CELF1: variants seen among roughly 807,000 people sequenced by gnomAD.
The protein encoded by CELF1 is 50 kDa nuclear polyadenylated RNA-binding protein.
A neutral mutation model predicts 61.8 loss-of-function variants in CELF1; 10 were observed. The ratio of observed to expected loss-of-function variants is 0.16; its 90% CI spans 0.10 to 0.27. The LOEUF (loss-of-function observed/expected upper bound fraction) is 0.27, where lower values mean the gene tolerates loss of function less well. CELF1 is among the 10% of genes least tolerant of loss of function. The probability of loss-of-function intolerance (pLI) is 1.00; values close to 1 mark genes in which losing one functional copy is unlikely to be tolerated. For missense variants in CELF1, 380 were observed against 639.1 expected (o/e 0.59, Z 4.37); for synonymous variants, 236 against 225.1 (o/e 1.05, Z -0.43).
At chr11:47,562,790 C>T (rs914325525) in intron 2 of CELF1, among the ~76,000 whole-genome samples, 6 of 151,776 alleles carry the variant, frequency 4.0e-5, no homozygotes, top group South Asian at 2.1e-4. Flanking sequence ...TCACAAACTC[C>T]GCCTCCTGGG....
At chr11:47,550,603 G>T (rs1017315208) in intron 1 of CELF1, among the ~76,000 whole-genome samples, 1 of 152,088 alleles carries the variant, frequency 6.6e-6, no homozygotes, top group South Asian at 2.1e-4. Context: ...CATATGAAAA[G>T]GATGGGCAAG....
chr11:47,525,710 ATAT>A (rs2096203755), intron 1 of CELF1, among the ~76,000 whole-genome samples: 1 of 152,232 alleles, frequency 6.6e-6, no homozygotes, highest in South Asian at 2.1e-4. Flanking sequence ...TTAACATGAG[ATAT>A]TAATAATAAA....
At position 47,466,753 on chromosome 11, in the gene CELF1, T is replaced by C. The variant is rs1400217982; in HGVS notation, c.*5477A>G. ...CCACAGGTTTTCCCAGAGCTCCTCT[T>C]GGAATTGAAAGCAAAATATATTGGC... On this transcript the variant is annotated 3_prime_UTR_variant, in exon 15 of 15. Transcript: ENST00000687097. 2 of 152,212 alleles carry C rather than the reference T, an allele frequency of 1.3e-5. No individual in the cohort carries two copies. Among genetic ancestry groups the C allele is most frequent in the African/African-American group, 4.8e-5 (2 of 41,456 alleles). 9.4% of individuals were successfully genotyped at this position (152,212 alleles called of 1,614,324 possible). A position where few individuals can be genotyped will look rare whatever the true frequency, so the allele number is the denominator to read the frequency against.
At chr11:47,551,198 G>A (rs2097128592) in intron 1 of CELF1, among the ~76,000 whole-genome samples, 1 of 152,088 alleles carries the variant, frequency 6.6e-6, no homozygotes, top group Admixed American at 6.5e-5. Context: ...AATCTCTAAA[G>A]AAAACCCTGG....
intron 2 of CELF1, among the ~76,000 whole-genome samples, chr11:47,559,230 G>C (rs1421494336): frequency 6.6e-6 from 1 of 151,268 alleles, no homozygotes; most frequent in African/African-American, 2.4e-5. Flanking sequence ...TGAGTAGCTG[G>C]GACTACAGGC....
chr11:47,486,672 T>G lies in CELF1; in HGVS notation c.391+78A>C. ...ATCCATCTGTCTTGGCCTCCCAAAG[T>G]GCTGGGATTACAGGTGTGAGCCACC... is the stretch of plus-strand genomic sequence containing the variant. On this transcript the variant is annotated intron_variant, in intron 6 of 14. Coordinates refer to ENST00000687097, the MANE Select transcript of CELF1 (RefSeq NM_001376376.1). 2.6e-6 allele frequency: 3 copies of G among 1,170,904 alleles called. No homozygotes were observed. The South Asian group carries it at 3.7e-5, about 14-fold the overall frequency. 72.5% of individuals were successfully genotyped at this position (1,170,904 alleles called of 1,614,324 possible). A position where few individuals can be genotyped will look rare whatever the true frequency, so the allele number is the denominator to read the frequency against.
rs2077131600 is a variant in CELF1, at chr11:47,468,985, G to A, written c.*3245C>T. ...GAGAGAGAGAACAGGAACACTCACT[G>A]TGTGTACAGCCCTGAAATGAGGTGG... On this transcript the variant is annotated 3_prime_UTR_variant, in exon 15 of 15. Coordinates refer to ENST00000687097, the MANE Select transcript of CELF1 (RefSeq NM_001376376.1). The A allele has an allele frequency of 1.3e-5, 2 of 152,236 alleles. No homozygotes were observed. The allele number at this position is 152,236 out of a possible 1,614,324, so 9.4% of individuals were successfully genotyped here.
chr11:47,554,809 G>A (rs1302991092), upstream of CELF1, among the ~76,000 whole-genome samples: 2 of 151,852 alleles, frequency 1.3e-5, no homozygotes, highest in Non-Finnish European at 2.9e-5. Flanking sequence ...TTACAGGCGC[G>A]TGCCACGATG....
At chr11:47,512,007 C>T (rs921858334) in intron 1 of CELF1, among the ~76,000 whole-genome samples, 4 of 152,048 alleles carry the variant, frequency 2.6e-5, no homozygotes, top group Non-Finnish European at 5.9e-5. Context: ...AGCCATCATG[C>T]CCAGCTAATG....
chr11:47,480,996 TCAAAA>T (rs950039644), intron 9 of CELF1, among the ~76,000 whole-genome samples: 24 of 149,526 alleles, frequency 1.6e-4, no homozygotes, highest in African/African-American at 3.2e-4. Flanking sequence ...GAGCGAGGCT[TCAAAA>T]CAAAACAAAA....
At chr11:47,519,764 G>A (rs1298954846) in intron 1 of CELF1, among the ~76,000 whole-genome samples, 1 of 151,904 alleles carries the variant, frequency 6.6e-6, no homozygotes, top group Non-Finnish European at 1.5e-5. Context: ...TCGGGAGGCT[G>A]AGGCAGGAGA....
At chr11:47,486,139 C>G (rs375011011) in intron 6 of CELF1, among the ~76,000 whole-genome samples, 38,252 of 38,260 alleles carry the variant, frequency 1, 19,122 homozygotes, top group Middle Eastern at 1. Flanking sequence ...CCCGCCCAGG[C>G]AACAGAGTGA....
intron 1 of CELF1, among the ~76,000 whole-genome samples, chr11:47,501,363 CTA>C (rs2093874315): frequency 6.6e-6 from 1 of 152,200 alleles, no homozygotes; most frequent in Non-Finnish European, 1.5e-5. Flanking sequence ...AGATTACTGG[CTA>C]TGTTTGTCCT....
intron 1 of CELF1, among the ~76,000 whole-genome samples, chr11:47,527,346 G>A (rs2096282464): frequency 6.6e-6 from 1 of 152,118 alleles, no homozygotes; most frequent in Non-Finnish European, 1.5e-5. Context: ...AGCCGTGATC[G>A]TGCCACCGCA....
chr11:47,541,686 C>CAAAGAAAG (rs1555190315), intron 1 of CELF1, among the ~76,000 whole-genome samples: 6 of 11,690 alleles, frequency 5.1e-4, no homozygotes, highest in African/African-American at 7.7e-4. Context: ...GCGAGACTGT[C>CAAAGAAAG]AAAGAAAGAA....
Position 47,496,045 on chromosome 11 carries a change from T to A in CELF1, c.71+3408A>T, listed in dbSNP as rs142008790. On this transcript the variant is annotated intron_variant, in intron 3 of 14. Coordinates refer to ENST00000687097, the MANE Select transcript of CELF1 (RefSeq NM_001376376.1). The stretch of plus-strand genomic sequence containing the variant: ...TCCCTCTGGCTCACATACAGTGCTG[T>A]GGAAAAACTGGAACAGAAGTGCGTG... 1,296 of 973,498 alleles carry A rather than the reference T, an allele frequency of 1.3e-3. 34 individuals carry two copies. The Admixed American group carries it at 0.058, about 44-fold the overall frequency. 60.3% of individuals were successfully genotyped at this position (973,498 alleles called of 1,614,324 possible).
At chr11:47,526,404 AT>A (rs2096245188) in intron 1 of CELF1, among the ~76,000 whole-genome samples, 1 of 152,230 alleles carries the variant, frequency 6.6e-6, no homozygotes, top group Non-Finnish European at 1.5e-5. Flanking sequence ...AGATCCCTCC[AT>A]TTCTGAAACT....
chr11:47,491,458 C>A (rs1405470236), intron 3 of CELF1, among the ~76,000 whole-genome samples: 1 of 152,246 alleles, frequency 6.6e-6, no homozygotes, highest in Admixed American at 6.5e-5. Flanking sequence ...CGCACCCAGC[C>A]TTGAATCTTT....
intron 1 of CELF1, among the ~76,000 whole-genome samples, chr11:47,547,669 C>T (rs1239043891): frequency 4.9e-5 from 3 of 61,060 alleles, no homozygotes; most frequent in African/African-American, 1.6e-4. Flanking sequence ...AACTCCATCT[C>T]AAAAAAAAAA....
Sources: allele counts gnomAD v4.1 joint callset (sites outside exome capture counted in the v4.1 genomes callset), GRCh38; gene constraint gnomAD v4.1.1; transcripts MANE v1.5; gene names NCBI Gene and HGNC (gene_info 2026-07-23, HGNC 2026-07-21).